Variants in UTRN observed in about 807,000 individuals in gnomAD.
UTRN encodes dystrophin-related protein 1.
In UTRN, 283 loss-of-function variants were observed where a neutral mutation model predicts 463.9. The observed-to-expected ratio is 0.61, with a 90% CI of 0.55 to 0.67. The LOEUF is 0.67. Among genes scored for constraint, UTRN ranks in the 30% least tolerant of loss-of-function variants. UTRN has a pLI of 0.00. For missense variants in UTRN, 3,922 were observed against 4,084.3 expected (o/e 0.96, Z 1.08); for synonymous variants, 1,442 against 1,431.5 (o/e 1.01, Z -0.17).
intron 63 of UTRN, among the ~76,000 whole-genome samples, chr6:144,794,507 C>T (rs975114399): frequency 6.6e-6 from 1 of 152,194 alleles, no homozygotes; most frequent in African/African-American, 2.4e-5. Flanking sequence ...ATTATATTCA[C>T]CTAATATCGT....
chr6:144,776,835 A>G (rs1461132482), intron 60 of UTRN, among the ~76,000 whole-genome samples: 2 of 151,242 alleles, frequency 1.3e-5, no homozygotes, highest in Non-Finnish European at 2.9e-5. Context: ...AATGGCAAAA[A>G]CCTCAATTAC....
At chr6:144,395,454 T>G (rs1379487269) in intron 2 of UTRN, among the ~76,000 whole-genome samples, 1 of 150,714 alleles carries the variant, frequency 6.6e-6, no homozygotes, top group Non-Finnish European at 1.5e-5. Context: ...TTTCAAACAG[T>G]GTCGGATGCC....
chr6:144,846,802 C>A lies in UTRN; in HGVS notation c.10271-3C>A, dbSNP rs368957823. 2 of 1,614,016 alleles carry A rather than the reference C, an allele frequency of 1.2e-6. No individual in the cohort carries two copies. Among genetic ancestry groups the A allele is most frequent in the South Asian group, 2.2e-5 (2 of 91,078 alleles). ...AAGTGATTTCTTTTGTTTTCTCTTTCAGCAAATGTTCCCAGCAGGCCACAG... is the reference window on the plus strand; with the variant it reads ...AAGTGATTTCTTTTGTTTTCTCTTTAAGCAAATGTTCCCAGCAGGCCACAG... On this transcript the variant is annotated splice_region_variant and splice_polypyrimidine_tract_variant and intron_variant, in intron 73 of 74. Transcript: ENST00000367545.
At chr6:144,532,952 T>C (rs565166839) in intron 42 of UTRN, 133 bp from the exon 43 acceptor site, 10 of 487,726 alleles carry the variant, frequency 2.1e-5, no homozygotes, top group Admixed American at 1.2e-4. Flanking sequence ...GCCTTTTTTT[T>C]CTAACATAAA....
chr6:144,350,429 A>C (rs1280021700), intron 2 of UTRN, among the ~76,000 whole-genome samples: 1 of 152,180 alleles, frequency 6.6e-6, no homozygotes, highest in Admixed American at 6.5e-5. Context: ...TTTTTGAACC[A>C]AAATTGAAAC....
At chr6:144,527,488 T>C (rs1258769147) in intron 41 of UTRN, among the ~76,000 whole-genome samples, 1 of 152,242 alleles carries the variant, frequency 6.6e-6, no homozygotes, top group Non-Finnish European at 1.5e-5. Flanking sequence ...AATGATCTTT[T>C]TGCGATGAGT....
At chr6:144,520,620 A>G (rs1220667622) in intron 39 of UTRN, among the ~76,000 whole-genome samples, 1 of 152,200 alleles carries the variant, frequency 6.6e-6, no homozygotes, top group South Asian at 2.1e-4. Flanking sequence ...AGTTTAACAA[A>G]TTCTAGGAGG....
At chr6:144,684,385 A>G (rs979888022) in intron 52 of UTRN, among the ~76,000 whole-genome samples, 1 of 152,022 alleles carries the variant, frequency 6.6e-6, no homozygotes, top group Non-Finnish European at 1.5e-5. Flanking sequence ...TTTCTCCACT[A>G]TTATTGTTGG....
At chr6:144,848,054 A>C (rs935488748) in intron 74 of UTRN, among the ~76,000 whole-genome samples, 6 of 152,148 alleles carry the variant, frequency 3.9e-5, no homozygotes, top group African/African-American at 9.7e-5. Flanking sequence ...TATGTGAAGT[A>C]GGCTAGGGGT....
intron 65 of UTRN, among the ~76,000 whole-genome samples, chr6:144,818,776 A>G (rs1038284455): frequency 6.6e-6 from 1 of 152,158 alleles, no homozygotes; most frequent in Non-Finnish European, 1.5e-5. Flanking sequence ...TGTGATAACC[A>G]TTGCAAAAGA....
At chr6:144,361,999 C>A (rs569786038) in intron 2 of UTRN, among the ~76,000 whole-genome samples, 1 of 152,004 alleles carries the variant, frequency 6.6e-6, no homozygotes, top group South Asian at 2.1e-4. Context: ...GAATAAAAAT[C>A]AAAGCCAAAT....
chr6:144,344,470 C>T (rs1777404262), intron 2 of UTRN, among the ~76,000 whole-genome samples: 1 of 152,202 alleles, frequency 6.6e-6, no homozygotes, highest in Admixed American at 6.5e-5. Context: ...GTTGTGGACC[C>T]TCAAGAGTAG....
At chr6:144,603,583 A>G (rs1490916401) in intron 51 of UTRN, among the ~76,000 whole-genome samples, 1 of 152,202 alleles carries the variant, frequency 6.6e-6, no homozygotes, top group African/African-American at 2.4e-5. Flanking sequence ...CGTGGTTAAC[A>G]TCTCTTTGAT....
chr6:144,569,773 G>T (rs193018014), intron 50 of UTRN, among the ~76,000 whole-genome samples: 1 of 152,330 alleles, frequency 6.6e-6, no homozygotes, highest in Non-Finnish European at 1.5e-5. Context: ...TTTTCTGGGT[G>T]AGCCCCATTT....
chr6:144,432,838 C>T (rs973540150), intron 9 of UTRN, among the ~76,000 whole-genome samples: 2 of 152,060 alleles, frequency 1.3e-5, no homozygotes, highest in Non-Finnish European at 2.9e-5. Context: ...TGCGGCCTTC[C>T]GCAGTGTTTG....
chr6:144,382,449 A>G (rs940536412), intron 2 of UTRN, among the ~76,000 whole-genome samples: 7 of 152,198 alleles, frequency 4.6e-5, no homozygotes, highest in African/African-American at 1.7e-4. Flanking sequence ...TTCTAAGACA[A>G]TTCTCCAGGG....
intron 30 of UTRN, among the ~76,000 whole-genome samples, chr6:144,489,121 C>T (rs1033881524): frequency 3.3e-4 from 50 of 152,078 alleles, no homozygotes; most frequent in African/African-American, 1.2e-3. Flanking sequence ...ACGATCTTGG[C>T]TCACTGCAAC....
At chr6:144,663,817 A>G (rs568577530) in intron 51 of UTRN, among the ~76,000 whole-genome samples, 1 of 152,272 alleles carries the variant, frequency 6.6e-6, no homozygotes, top group East Asian at 1.9e-4. Context: ...ATCTTTTATA[A>G]TTACAATTTG....
intron 33 of UTRN, among the ~76,000 whole-genome samples, chr6:144,495,416 C>T (rs1793531772): frequency 6.6e-6 from 1 of 152,242 alleles, no homozygotes; most frequent in African/African-American, 2.4e-5. Flanking sequence ...TTGCCTGGGG[C>T]CGGCAGGGCC....
Sources: allele counts gnomAD v4.1 joint callset (sites outside exome capture counted in the v4.1 genomes callset), GRCh38; gene constraint gnomAD v4.1.1; transcripts MANE v1.5; gene names NCBI Gene and HGNC (gene_info 2026-07-23, HGNC 2026-07-21).